LIMK2: variants seen among roughly 807,000 people sequenced by gnomAD.
LIMK2 encodes the protein LIM domain kinase 2.
A neutral mutation model predicts 75.7 loss-of-function variants in LIMK2; 35 were observed. That is an observed-to-expected ratio of 0.46 (90% confidence interval 0.35 to 0.61). The LOEUF (loss-of-function observed/expected upper bound fraction) is 0.61. Ranked by LOEUF, LIMK2 falls within the 20% of genes least tolerant of loss-of-function variation. The pLI, the probability that LIMK2 is intolerant of heterozygous loss-of-function variation, is 0.00. For missense variants in LIMK2, 623 were observed against 831.0 expected, an observed-to-expected ratio of 0.75 and a Z score of 3.08; for synonymous variants, 301 against 319.2, an observed-to-expected ratio of 0.94 and a Z score of 0.61.
intron 2 of LIMK2, among the ~76,000 whole-genome samples, chr22:31,237,622 A>G (rs1006848209): frequency 2.0e-5 from 3 of 151,902 alleles, no homozygotes; most frequent in Non-Finnish European, 2.9e-5. Flanking sequence ...CTACCCTCAC[A>G]GTATTACTGT....
At chr22:31,270,331 G>A (rs1426458239) in intron 11 of LIMK2, among the ~76,000 whole-genome samples, 1 of 152,178 alleles carries the variant, frequency 6.6e-6, no homozygotes, top group Non-Finnish European at 1.5e-5. Flanking sequence ...TCAGGATCAG[G>A]TAGCATAGGA....
rs1301927220 is a variant in LIMK2 at position 31,262,111 on chromosome 22, G to T, written c.552-23G>T. The T allele has an allele frequency of 1.3e-6, 2 of 1,595,860 alleles. No homozygotes were observed. Among genetic ancestry groups the T allele is most frequent in the South Asian group, 1.1e-5 (1 of 90,718 alleles). ...CAGGTTTTTAGGACATCTTTACCCTGCCTCAACTCTTGTCTGGCCCAGGGT... is the reference window on the plus strand; with the variant it reads ...CAGGTTTTTAGGACATCTTTACCCTTCCTCAACTCTTGTCTGGCCCAGGGT... On this transcript the variant is annotated intron_variant, in intron 5 of 15. Coordinates refer to ENST00000331728, the MANE Select transcript of LIMK2 (RefSeq NM_005569.4). This position sits in a 1 kb window ranked among gnomAD's most constrained non-coding sequence, Gnocchi z 5.0.
At chr22:31,248,257 G>T (rs2123813182) in intron 2 of LIMK2, 3 of 971,484 alleles carry the variant, frequency 3.1e-6, no homozygotes, top group Middle Eastern at 4.6e-4. Flanking sequence ...TGCAAGGTCT[G>T]TTTCCTAACA....
In LIMK2 at chr22:31,258,540, CTTTA is replaced by C. The variant is rs1421010274; in HGVS notation, c.252+121_252+124del. ...TCTTTCCATCAGCCAGGGCATCTCC[CTTTA>C]TTTATTCATTCATTCAACTAGCAGG... On this transcript the variant is annotated intron_variant, in intron 3 of 15. Coordinates refer to ENST00000331728, the MANE Select transcript of LIMK2 (RefSeq NM_005569.4). 18 of 1,046,300 alleles carry C rather than the reference CTTTA, an allele frequency of 1.7e-5. 1 individual carries two copies. The highest frequency in any genetic ancestry group is 1.3e-4 in the South Asian group (8 of 61,442). 64.8% of individuals were successfully genotyped at this position (1,046,300 alleles called of 1,614,324 possible). A position where few individuals can be genotyped will look rare whatever the true frequency, so the allele number is the denominator to read the frequency against.
At chr22:31,273,536 A>C in intron 14 of LIMK2, 29 bp downstream of exon 14, 1 of 1,598,366 alleles carries the variant, frequency 6.3e-7, no homozygotes, top group East Asian at 2.2e-5. Flanking sequence ...GCCATGCCCG[A>C]GGCAGCAGGC....
intron 2 of LIMK2, among the ~76,000 whole-genome samples, chr22:31,246,606 A>T (rs2048672539): frequency 6.6e-6 from 1 of 152,072 alleles, no homozygotes; most frequent in Non-Finnish European, 1.5e-5. Context: ...TCAGCCTCAC[A>T]GCTGGGTGTG....
chr22:31,273,414 A>T (rs909419476), intron 13 of LIMK2, 38 bp from the exon 14 acceptor site: 5 of 1,577,376 alleles, frequency 3.2e-6, no homozygotes, highest in South Asian at 2.2e-5. Context: ...CAGGTAAGGG[A>T]TGTAAACTTA....
chr22:31,256,423 C>G (rs1191563613), intron 2 of LIMK2, among the ~76,000 whole-genome samples: 1 of 151,446 alleles, frequency 6.6e-6, no homozygotes, highest in African/African-American at 2.4e-5. Context: ...TCACTGCAAC[C>G]TCCACCTCCT....
intron 2 of LIMK2, among the ~76,000 whole-genome samples, chr22:31,230,360 G>C (rs2048517129): frequency 6.6e-6 from 1 of 152,136 alleles, no homozygotes; most frequent in African/African-American, 2.4e-5. Flanking sequence ...GCTATCAATG[G>C]TGACCTGGCC....
At chr22:31,259,533 C>CGTG (rs1025259050) in intron 4 of LIMK2, among the ~76,000 whole-genome samples, 1 of 152,106 alleles carries the variant, frequency 6.6e-6, no homozygotes, top group African/African-American at 2.4e-5. Flanking sequence ...TCACCCTGTC[C>CGTG]AACCACCTTG....
intron 2 of LIMK2, among the ~76,000 whole-genome samples, chr22:31,226,642 C>T (rs2048482232): frequency 7.4e-6 from 1 of 136,006 alleles, no homozygotes; most frequent in South Asian, 2.4e-4. Context: ...CAGAGTCTCG[C>T]TCTGTCGCCC....
rs1205760739 is a variant in LIMK2, at chr22:31,273,132, C to G, written c.1559-320C>G. On this transcript the variant is annotated intron_variant, in intron 13 of 15. Coordinates refer to ENST00000331728, the MANE Select transcript of LIMK2 (RefSeq NM_005569.4). Reference sequence around the variant, plus strand: ...TACAATCCATTTTGGAGTCTGAGGCCCAGAGAAGTTCAGTGAATTGCCTAG... The same window carrying G: ...TACAATCCATTTTGGAGTCTGAGGCGCAGAGAAGTTCAGTGAATTGCCTAG... 5 of 729,288 alleles carry G rather than the reference C, an allele frequency of 6.9e-6. No homozygotes were observed. The African/African-American group carries it at 7.7e-5, about 11-fold the overall frequency. 45.2% of individuals were successfully genotyped at this position (729,288 alleles called of 1,614,324 possible). A position where few individuals can be genotyped will look rare whatever the true frequency, so the allele number is the denominator to read the frequency against.
intron 7 of LIMK2, among the ~76,000 whole-genome samples, chr22:31,265,191 CAAAAAAAAAAAA>C (rs35356989): frequency 1.4e-4 from 5 of 34,500 alleles, no homozygotes; most frequent in East Asian, 9.6e-4. Flanking sequence ...GAGACTCCAT[CAAAAAAAAAAAA>C]AAAAAAAAAA....
chr22:31,260,977 G>C (rs1015895252), intron 5 of LIMK2, among the ~76,000 whole-genome samples: 9 of 152,206 alleles, frequency 5.9e-5, no homozygotes, highest in Non-Finnish European at 1.3e-4. Context: ...TGGTATGGAG[G>C]TTGGATTGGA....
rs2049052384 is a variant in LIMK2, at chr22:31,278,281, CCT to C, written c.1773-13_1773-12del. The C allele has an allele frequency of 1.9e-6, 3 of 1,605,086 alleles. No individual in the cohort carries two copies. The highest frequency in any genetic ancestry group is 2.6e-6 in the Non-Finnish European group (3 of 1,175,170). ...TCATGTTCCACCTGCCTCTAATTTA[CCT>C]CTTTTCCTTCTAGACCAGCATTCTC... On this transcript the variant is annotated splice_polypyrimidine_tract_variant and intron_variant, in intron 15 of 15. Transcript: ENST00000331728.
chr22:31,218,525 C>A (rs913470845), intron 1 of LIMK2, among the ~76,000 whole-genome samples: 2 of 152,168 alleles, frequency 1.3e-5, no homozygotes, highest in African/African-American at 4.8e-5. Context: ...TTTTAAAAAT[C>A]ATCTAATCTT....
At chr22:31,258,040 C>T (rs905722406) in intron 2 of LIMK2, among the ~76,000 whole-genome samples, 1 of 152,074 alleles carries the variant, frequency 6.6e-6, no homozygotes, top group African/African-American at 2.4e-5. Flanking sequence ...TCAGAGGGCC[C>T]CAAGACCCAA....
In LIMK2 at chr22:31,237,554, C is replaced by CA. The variant is rs1040206766; in HGVS notation, c.116+11750dup. On this transcript the variant is annotated intron_variant, in intron 2 of 15. Transcript: ENST00000331728. Reference sequence around the variant, plus strand: ...CCTCCAGTAGAGTGAGATTCCGTCTCAAAAAAAAAAAAAAAGAAGAAATGG... The same window carrying CA: ...CCTCCAGTAGAGTGAGATTCCGTCTCAAAAAAAAAAAAAAAAGAAGAAATGG... Among the ~76,000 whole-genome samples, 348 of 103,868 alleles carry CA rather than the reference C, an allele frequency of 3.4e-3. 1 individual carries two copies. The highest frequency in any genetic ancestry group is 6.6e-3 in the African/African-American group (189 of 28,608). 68.1% of individuals were successfully genotyped at this position (103,868 alleles called of 152,430 possible).
chr22:31,278,463 G>A lies in LIMK2; in HGVS notation c.*22G>A. 13 of 1,582,638 alleles carry A rather than the reference G, an allele frequency of 8.2e-6. No homozygotes were observed. The highest frequency in any genetic ancestry group is 1.1e-5 in the Non-Finnish European group (13 of 1,164,784). ...CTAGCCCTGGCCCAGCCCCCTGCAG[G>A]GGGGTGTTCTACAGCCAGCATTGCC... On this transcript the variant is annotated 3_prime_UTR_variant, in exon 16 of 16. Transcript: ENST00000331728.
Sources: allele counts gnomAD v4.1 joint callset (sites outside exome capture counted in the v4.1 genomes callset), GRCh38; gene constraint gnomAD v4.1.1; non-coding constraint Gnocchi (gnomAD v3.1); transcripts MANE v1.5; gene names NCBI Gene and HGNC (gene_info 2026-07-23, HGNC 2026-07-21).